NF1: variants seen among roughly 807,000 people sequenced by gnomAD.
NF1 encodes the protein neurofibromin.
A neutral mutation model predicts 325.7 loss-of-function variants in NF1; 122 were observed. The ratio of observed to expected loss-of-function variants is 0.37; its 90% CI spans 0.32 to 0.44. The LOEUF is 0.44. NF1 is among the 20% of genes least tolerant of loss of function. The pLI is 1.00. For synonymous variants in NF1, 1,091 were observed against 1,186.0 expected, an observed-to-expected ratio of 0.92 and a Z score of 1.65; for missense variants, 2,140 against 3,415.4, an observed-to-expected ratio of 0.63 and a Z score of 9.31.
At chr17:31,300,640 G>C (rs1233864800) in intron 36 of NF1, among the ~76,000 whole-genome samples, 1 of 152,036 alleles carries the variant, frequency 6.6e-6, no homozygotes, top group African/African-American at 2.4e-5. Context: ...TTATATGTTT[G>C]CCAGTAAATC....
In NF1 at chr17:31,358,549, A is replaced by T. The variant is rs749163014; in HGVS notation, c.8040A>T (p.Pro2680=). The T allele has an allele frequency of 6.2e-7, 1 of 1,613,926 alleles. No individual in the cohort carries two copies. The highest frequency in any genetic ancestry group is 1.7e-4 in the Middle Eastern group (1 of 6,060). ...GCCAAGATCCAAATTTGTTAAATCC[A>T]ATCCATGGAATTGTGCAGAGTGTGG... ...SLCQDPNLLN[P]IHGIVQSVVY... The change falls in exon 55 of 58, where the codon CCA becomes CCT. Residue 2680 remains proline, a synonymous_variant. Transcript: ENST00000358273.
chr17:31,284,843 G>A lies in NF1; in HGVS notation c.4835+19504G>A, dbSNP rs187305541. On this transcript the variant is annotated intron_variant, in intron 36 of 57. Coordinates refer to ENST00000358273, the MANE Select transcript of NF1 (RefSeq NM_001042492.3). Reference sequence around the variant, plus strand: ...AAGTCTGTAAAACAATGTGGAGGCCGGGCGTGGTGGCTCACGCCTGTAATC... The same window carrying A: ...AAGTCTGTAAAACAATGTGGAGGCCAGGCGTGGTGGCTCACGCCTGTAATC... Among the ~76,000 whole-genome samples, 96 of 152,220 alleles carry A rather than the reference G, an allele frequency of 6.3e-4. 1 individual carries two copies. The highest frequency in any genetic ancestry group is 3.4e-3 in the Middle Eastern group (1 of 294).
intron 1 of NF1, among the ~76,000 whole-genome samples, chr17:31,122,039 G>C (rs1260027586): frequency 6.6e-6 from 1 of 152,162 alleles, no homozygotes; most frequent in East Asian, 1.9e-4. Context: ...TTATTCTGTG[G>C]GTTCAGGGAG....
chr17:31,231,507 C>T (rs1309087501), intron 24 of NF1, among the ~76,000 whole-genome samples: 1 of 152,132 alleles, frequency 6.6e-6, no homozygotes, highest in Non-Finnish European at 1.5e-5. Flanking sequence ...ACATCTTACT[C>T]CCATGAACAC....
At position 31,170,045 on chromosome 17, in the gene NF1, A is replaced by G. The variant is rs773862541; in HGVS notation, c.586+48A>G. 1.2e-4 allele frequency: 138 copies of G among 1,199,522 alleles called. 1 individual carries two copies. The highest frequency in any genetic ancestry group is 1.9e-5 in the Non-Finnish European group (15 of 810,090). The allele number at this position is 1,199,522 out of a possible 1,614,324, so 74.3% of individuals were successfully genotyped here. A position where few individuals can be genotyped will look rare whatever the true frequency, so the allele number is the denominator to read the frequency against. ...TCTGAAAAAAATCACTGGGTCAAAA[A>G]CTAGTATCATGAATGTACTAATTAT... On this transcript the variant is annotated intron_variant, in intron 5 of 57. Transcript: ENST00000358273.
intron 39 of NF1, chr17:31,334,574 C>G: frequency 2.4e-6 from 1 of 423,822 alleles, no homozygotes; most frequent in South Asian, 2.8e-5. Flanking sequence ...AATAAAACAA[C>G]TTTTTAACAA....
At chr17:31,133,996 G>A (rs943430838) in intron 1 of NF1, among the ~76,000 whole-genome samples, 2 of 152,242 alleles carry the variant, frequency 1.3e-5, no homozygotes, top group South Asian at 2.1e-4. Flanking sequence ...ATCCTAATGA[G>A]TGTTAGGTGG....
At position 31,154,839 on chromosome 17, in the gene NF1, A is replaced by G. The variant is rs538558849; in HGVS notation, c.61-1144A>G. ...ACTGCAATCTCTGCCTCCTGGGTTC[A>G]TGCCATTCTCCTGCCTCAGCCTCCC... On this transcript the variant is annotated intron_variant, in intron 1 of 57. Coordinates refer to ENST00000358273, the MANE Select transcript of NF1 (RefSeq NM_001042492.3). Among the ~76,000 whole-genome samples the G allele has an allele frequency of 1.4e-4, 21 of 146,262 alleles. No individual in the cohort carries two copies. The East Asian group carries it at 4.2e-3, about 29-fold the overall frequency.
intron 39 of NF1, chr17:31,331,697 A>G (rs1382053909): frequency 3.9e-5 from 6 of 152,098 alleles, no homozygotes; most frequent in African/African-American, 7.2e-5. Flanking sequence ...ACCGTACACC[A>G]TAAGATACCA....
At chr17:31,373,730 A>G (rs1375185112) in intron 57 of NF1, among the ~76,000 whole-genome samples, 2 of 152,236 alleles carry the variant, frequency 1.3e-5, no homozygotes, top group Non-Finnish European at 2.9e-5. Context: ...TGTTAGATAT[A>G]CAAATAGTTA....
Position 31,095,207 on chromosome 17 carries a change from C to G in NF1, c.-103C>G. Reference sequence around the variant, plus strand: ...TGGGAGCCTGCACTCCACAGACCCTCTCCTTGCCTCTTCCCTCACCTCAGC... The same window carrying G: ...TGGGAGCCTGCACTCCACAGACCCTGTCCTTGCCTCTTCCCTCACCTCAGC... On this transcript the variant is annotated 5_prime_UTR_variant, in exon 1 of 58. Transcript: ENST00000358273. The G allele has an allele frequency of 9.1e-7, 1 of 1,097,522 alleles. No homozygotes were observed. The highest frequency in any genetic ancestry group is 1.3e-6 in the Non-Finnish European group (1 of 748,306). 68.0% of individuals were successfully genotyped at this position (1,097,522 alleles called of 1,614,324 possible).
intron 5 of NF1, among the ~76,000 whole-genome samples, chr17:31,171,211 A>G (rs888543791): frequency 1.3e-5 from 2 of 152,218 alleles, no homozygotes; most frequent in African/African-American, 2.4e-5. Flanking sequence ...TTAATTCAGT[A>G]ACTTTAATAA....
chr17:31,273,676 G>T (rs1018378508), intron 36 of NF1: 1 of 152,084 alleles, frequency 6.6e-6, no homozygotes, highest in African/African-American at 2.4e-5. Flanking sequence ...AATATAATTA[G>T]TGAGGAAGTC....
At chr17:31,250,221 T>G in intron 30 of NF1, 1 of 319,908 alleles carries the variant, frequency 3.1e-6, no homozygotes, top group Non-Finnish European at 6.1e-6. Flanking sequence ...CTTAGGAAAA[T>G]CCTGTATAGT....
intron 5 of NF1, among the ~76,000 whole-genome samples, chr17:31,173,432 TAAA>T (rs1027512447): frequency 6.6e-6 from 1 of 150,954 alleles, no homozygotes; most frequent in African/African-American, 2.4e-5. Context: ...TAAAATAAAA[TAAA>T]AATACAAAAA....
rs1461142956 is a variant in NF1, at chr17:31,341,560, T to TA, written c.7062+916dup. Among the ~76,000 whole-genome samples the TA allele has an allele frequency of 3.3e-5, 5 of 150,672 alleles. No individual in the cohort carries two copies. In the East Asian group the frequency reaches 9.8e-4, roughly 29 times the overall value. On this transcript the variant is annotated intron_variant, in intron 47 of 57. Coordinates refer to ENST00000358273, the MANE Select transcript of NF1 (RefSeq NM_001042492.3). ...TGTATACATATATTACATACACACA[T>TA]ATATATGTAATGTATGTGTATATAT...
chr17:31,152,040 A>C (rs920843547), intron 1 of NF1, among the ~76,000 whole-genome samples: 3 of 150,184 alleles, frequency 2.0e-5, no homozygotes. Flanking sequence ...CCCTCCCCCT[A>C]CCCCACGACA....
intron 29 of NF1, among the ~76,000 whole-genome samples, chr17:31,240,175 C>T (rs2067270957): frequency 6.6e-6 from 1 of 152,180 alleles, no homozygotes; most frequent in South Asian, 2.1e-4. Flanking sequence ...AACCAGATCT[C>T]ATTTATATTC....
intron 39 of NF1, among the ~76,000 whole-genome samples, chr17:31,332,485 AAATGAATGAATG>A (rs17878625): frequency 7.9e-5 from 12 of 151,898 alleles, no homozygotes; most frequent in Non-Finnish European, 1.5e-5. Context: ...ATGAATGAAT[AAATGAATGAATG>A]AATGAATAAA....
Sources: allele counts gnomAD v4.1 joint callset (sites outside exome capture counted in the v4.1 genomes callset), GRCh38; gene constraint gnomAD v4.1.1; transcripts MANE v1.5; gene names NCBI Gene and HGNC (gene_info 2026-07-23, HGNC 2026-07-21).